The following TMEM144 variants were observed in gnomAD, a reference collection of about 807,000 sequenced individuals.
TMEM144 encodes transmembrane protein 144.
Under a neutral mutation model 43.6 loss-of-function variants are expected in TMEM144, and 39 were observed. The ratio of observed to expected loss-of-function variants is 0.90; its 90% CI spans 0.69 to 1.17. The LOEUF is 1.17. Among genes scored for constraint, TMEM144 ranks in the 50% most tolerant of loss-of-function variants. The pLI is 0.00. For synonymous variants in TMEM144, 154 were observed against 133.6 expected (o/e 1.15, Z -1.06); for missense variants, 417 against 411.9 (o/e 1.01, Z -0.11).
At chr4:158,233,541 C>T (rs997478533) in intron 7 of TMEM144, 6 of 152,240 alleles carry the variant, frequency 3.9e-5, no homozygotes, top group African/African-American at 7.2e-5. Context: ...CCTGATAAAG[C>T]GCAAGTGTCA....
At chr4:158,243,548 A>G (rs1735727783) in intron 11 of TMEM144, among the ~76,000 whole-genome samples, 2 of 152,228 alleles carry the variant, frequency 1.3e-5, no homozygotes, top group Admixed American at 1.3e-4. Context: ...CCTAGCCCGC[A>G]TTCCAATTTT....
intron 2 of TMEM144, chr4:158,211,919 A>C (rs1490224323): frequency 6.6e-6 from 1 of 152,234 alleles, no homozygotes; most frequent in East Asian, 1.9e-4. Flanking sequence ...GGACCTTTAA[A>C]TATTTGTCAT....
intron 8 of TMEM144, among the ~76,000 whole-genome samples, chr4:158,235,862 T>C (rs1324325116): frequency 6.6e-6 from 1 of 152,194 alleles, no homozygotes; most frequent in East Asian, 1.9e-4. Flanking sequence ...TGTCTAGCAC[T>C]GCACCACCCA....
intron 3 of TMEM144, 63 bp from the exon 4 acceptor site, chr4:158,215,128 T>C: frequency 6.2e-7 from 1 of 1,607,178 alleles, no homozygotes; most frequent in Non-Finnish European, 8.5e-7. Context: ...CTCATAGATA[T>C]TCCTGAGCAC....
chr4:158,228,727 G>A (rs13150817), intron 6 of TMEM144, among the ~76,000 whole-genome samples: 1 of 151,932 alleles, frequency 6.6e-6, no homozygotes, highest in Non-Finnish European at 1.5e-5. Context: ...CAATCACCTC[G>A]CTTCCCGGTC....
At chr4:158,240,694 A>G (rs556893461) in intron 10 of TMEM144, among the ~76,000 whole-genome samples, 6 of 152,162 alleles carry the variant, frequency 3.9e-5, no homozygotes, top group Non-Finnish European at 5.9e-5. Context: ...CTAATAAGAT[A>G]TTTTCCTGTG....
chr4:158,215,112 T>A (rs1300959383), intron 3 of TMEM144, 79 bp from the exon 4 acceptor site: 2 of 1,583,328 alleles, frequency 1.3e-6, no homozygotes, highest in East Asian at 4.5e-5. Flanking sequence ...ATTCCTGTAA[T>A]ATCACCTCAT....
At chr4:158,232,795 C>T in intron 6 of TMEM144, 106 bp from the exon 7 acceptor site, 1 of 744,704 alleles carries the variant, frequency 1.3e-6, no homozygotes, top group Non-Finnish European at 2.2e-6. Context: ...ATCATTGTAT[C>T]ATTAGGATCC....
intron 6 of TMEM144, among the ~76,000 whole-genome samples, chr4:158,223,481 C>T (rs915357380): frequency 6.6e-6 from 1 of 152,010 alleles, no homozygotes; most frequent in Admixed American, 6.6e-5. Context: ...ATGTGCAGAA[C>T]GTGCAGGATT....
chr4:158,246,289 G>A (rs1735889626), intron 12 of TMEM144, among the ~76,000 whole-genome samples: 1 of 152,166 alleles, frequency 6.6e-6, no homozygotes. Context: ...TCATAGACCT[G>A]TCTTAATATG....
chr4:158,210,588 T>TG lies in TMEM144; in HGVS notation c.-183+3dup, dbSNP rs141571918. 8 of 152,336 alleles carry TG rather than the reference T, an allele frequency of 5.3e-5. No homozygotes were observed. The East Asian group carries it at 1.2e-3, about 22-fold the overall frequency. The allele number at this position is 152,336 out of a possible 1,614,324, so 9.4% of individuals were successfully genotyped here. ...CTTCAGCCGCCAGCCCGGAACGCAG[T>TG]GAGTACAGCCACTCAAAGGAAAGCC... On this transcript the variant is annotated splice_region_variant and intron_variant, in intron 1 of 12. Transcript: ENST00000296529.
intron 5 of TMEM144, among the ~76,000 whole-genome samples, chr4:158,218,651 G>T (rs1734355825): frequency 6.6e-6 from 1 of 152,090 alleles, no homozygotes; most frequent in African/African-American, 2.4e-5. Context: ...TTTTTTAAAA[G>T]TCTACTCCAA....
chr4:158,220,381 C>T (rs903921032), intron 6 of TMEM144, among the ~76,000 whole-genome samples: 4 of 152,164 alleles, frequency 2.6e-5, no homozygotes, highest in Non-Finnish European at 5.9e-5. Flanking sequence ...CTTTACACAC[C>T]AAAATTGTAA....
intron 6 of TMEM144, among the ~76,000 whole-genome samples, chr4:158,225,905 T>A (rs1734741723): frequency 6.6e-6 from 1 of 152,216 alleles, no homozygotes; most frequent in South Asian, 2.1e-4. Context: ...CTTCGGGATA[T>A]AGCAGAGAGA....
intron 12 of TMEM144, among the ~76,000 whole-genome samples, chr4:158,249,523 A>G (rs1460806909): frequency 6.6e-6 from 1 of 152,198 alleles, no homozygotes; most frequent in Non-Finnish European, 1.5e-5. Context: ...GCCCAACTAT[A>G]ATTAGTCTTT....
At chr4:158,237,042 G>A (rs532622394) in intron 8 of TMEM144, among the ~76,000 whole-genome samples, 1 of 152,266 alleles carries the variant, frequency 6.6e-6, no homozygotes, top group African/African-American at 2.4e-5. Flanking sequence ...CTAAGGCATA[G>A]GCAAGTTCGT....
chr4:158,252,624 A>G (rs1736262889), intron 12 of TMEM144, among the ~76,000 whole-genome samples: 1 of 152,024 alleles, frequency 6.6e-6, no homozygotes, highest in South Asian at 2.1e-4. Flanking sequence ...CCTGGCCAAC[A>G]TGGTAAAACT....
intron 6 of TMEM144, among the ~76,000 whole-genome samples, chr4:158,219,933 T>C (rs1560822687): frequency 6.6e-6 from 1 of 152,206 alleles, no homozygotes; most frequent in Non-Finnish European, 1.5e-5. Flanking sequence ...TGTCTAGCTG[T>C]ATGCACTCTA....
intron 9 of TMEM144, among the ~76,000 whole-genome samples, chr4:158,238,685 G>A (rs1735479124): frequency 6.6e-6 from 1 of 152,140 alleles, no homozygotes; most frequent in African/African-American, 2.4e-5. Context: ...TAGAAAGGAG[G>A]CATAAATTTG....
Sources: allele counts gnomAD v4.1 joint callset (sites outside exome capture counted in the v4.1 genomes callset), GRCh38; gene constraint gnomAD v4.1.1; transcripts MANE v1.5; gene names NCBI Gene and HGNC (gene_info 2026-07-23, HGNC 2026-07-21).